Variants in PTPRQ observed in about 807,000 individuals in gnomAD.
PTPRQ encodes the protein protein tyrosine phosphatase receptor type Q.
PTPRQ carries 199 observed loss-of-function variants against 246.0 expected under a neutral mutation model. That is an observed-to-expected ratio of 0.81 (90% CI 0.72 to 0.91). The LOEUF (loss-of-function observed/expected upper bound fraction) is 0.91. Ranked by LOEUF, PTPRQ falls within the 40% of genes least tolerant of loss-of-function variation. The pLI is 0.00. For missense variants in PTPRQ, 2,624 were observed against 2,528.4 expected (o/e 1.04, Z -0.81); for synonymous variants, 869 against 853.2 (o/e 1.02, Z -0.32).
At chr12:80,593,964 T>C (rs1221547898) in intron 26 of PTPRQ, among the ~76,000 whole-genome samples, 3 of 150,832 alleles carry the variant, frequency 2.0e-5, no homozygotes, top group South Asian at 2.1e-4. Context: ...AACACTTAGG[T>C]TGGGAAAACC....
At chr12:80,520,530 G>A (rs1272851034) in intron 17 of PTPRQ, among the ~76,000 whole-genome samples, 17 of 116,110 alleles carry the variant, frequency 1.5e-4, no homozygotes, top group African/African-American at 4.9e-4. Flanking sequence ...CCCACAACAG[G>A]CCCCGGTGTG....
chr12:80,631,078 A>G (rs17007031), intron 33 of PTPRQ, among the ~76,000 whole-genome samples: 10,037 of 152,282 alleles, frequency 0.066, 414 homozygotes, highest in East Asian at 0.13. Flanking sequence ...TCTTCTAATA[A>G]TGAGCTTTAT....
intron 3 of PTPRQ, among the ~76,000 whole-genome samples, chr12:80,449,073 G>A (rs1892652815): frequency 6.6e-6 from 1 of 151,592 alleles, no homozygotes; most frequent in Non-Finnish European, 1.5e-5. Context: ...CATTCTAACT[G>A]GTGTGAGATG....
At chr12:80,540,796 T>C (rs1298765891) in intron 20 of PTPRQ, among the ~76,000 whole-genome samples, 2 of 152,112 alleles carry the variant, frequency 1.3e-5, no homozygotes, top group Non-Finnish European at 2.9e-5. Flanking sequence ...TATATTGTAA[T>C]ATATGATCAA....
intron 43 of PTPRQ, among the ~76,000 whole-genome samples, chr12:80,674,432 T>C (rs558273504): frequency 3.3e-5 from 5 of 152,284 alleles, no homozygotes; most frequent in African/African-American, 9.6e-5. Flanking sequence ...TAAACTTCGA[T>C]GACTGGAGAA....
rs1894948885 is a variant in PTPRQ, at chr12:80,506,099, C to T, written c.2348C>T (p.Pro783Leu). 2 of 1,543,800 alleles carry T rather than the reference C, an allele frequency of 1.3e-6. No individual in the cohort carries two copies. The highest frequency in any genetic ancestry group is 1.4e-5 in the African/African-American group (1 of 72,790). The change falls in exon 15 of 45, where the codon CCA (proline) becomes CTA (leucine). Residue 783 changes from proline to leucine, a missense_variant. Transcript: ENST00000644991. The part of the protein sequence containing the change: ...SGEIELSFLP[P>L]SSPNGIIQKY... ...GAGATTGAGCTATCATTCCTTCCCC[C>T]AAGTAGTCCCAATGGAATCATACAA...
intron 17 of PTPRQ, among the ~76,000 whole-genome samples, chr12:80,516,411 G>T (rs976623868): frequency 6.6e-6 from 1 of 152,140 alleles, no homozygotes; most frequent in East Asian, 1.9e-4. Flanking sequence ...GTAATTATAA[G>T]AGGTAATTCT....
At chr12:80,507,676 T>C (rs1565752835) in intron 16 of PTPRQ, among the ~76,000 whole-genome samples, 1 of 152,044 alleles carries the variant, frequency 6.6e-6, no homozygotes, top group Non-Finnish European at 1.5e-5. Context: ...AGTTTCTAAG[T>C]GGGCTGCCTC....
At chr12:80,501,179 G>A (rs1383451158) in intron 14 of PTPRQ, among the ~76,000 whole-genome samples, 1 of 151,964 alleles carries the variant, frequency 6.6e-6, no homozygotes, top group Non-Finnish European at 1.5e-5. Context: ...GCGAGAGGCA[G>A]AGGTGGATCC....
At chr12:80,454,543 T>G in intron 3 of PTPRQ, 1 of 702,474 alleles carries the variant, frequency 1.4e-6, no homozygotes, top group Non-Finnish European at 2.6e-6. Context: ...CTACTTTTGT[T>G]GCATTTCTTA....
At chr12:80,522,519 T>G (rs143422529) in intron 17 of PTPRQ, among the ~76,000 whole-genome samples, 7,887 of 152,102 alleles carry the variant, frequency 0.052, 505 homozygotes, top group African/African-American at 0.14. Flanking sequence ...TAGCTCTTAT[T>G]ATTTTGAAAT....
At chr12:80,582,411 G>T (rs1318446165) in intron 25 of PTPRQ, among the ~76,000 whole-genome samples, 2 of 152,114 alleles carry the variant, frequency 1.3e-5, no homozygotes, top group African/African-American at 4.8e-5. Flanking sequence ...ATCATATGTT[G>T]TAGTCCTAAC....
chr12:80,663,759 T>C (rs1338224143), intron 39 of PTPRQ, among the ~76,000 whole-genome samples: 1 of 151,956 alleles, frequency 6.6e-6, no homozygotes, highest in Non-Finnish European at 1.5e-5. Context: ...TTCTGCCATG[T>C]TCACAACCTA....
chr12:80,600,207 G>A (rs1159283254), intron 26 of PTPRQ, among the ~76,000 whole-genome samples: 1 of 151,748 alleles, frequency 6.6e-6, no homozygotes, highest in Admixed American at 6.6e-5. Flanking sequence ...ATATTTAGTA[G>A]TATAGGTGAT....
At chr12:80,511,268 C>A (rs1210662713) in intron 17 of PTPRQ, among the ~76,000 whole-genome samples, 1 of 152,050 alleles carries the variant, frequency 6.6e-6, no homozygotes. Flanking sequence ...CCCCTTTAAC[C>A]CCTTTACATA....
At chr12:80,550,374 T>G (rs1190401972) in intron 25 of PTPRQ, among the ~76,000 whole-genome samples, 1 of 152,160 alleles carries the variant, frequency 6.6e-6, no homozygotes, top group East Asian at 1.9e-4. Flanking sequence ...CAATAATTGT[T>G]AACTTCTGGC....
intron 8 of PTPRQ, among the ~76,000 whole-genome samples, chr12:80,474,623 A>G (rs1404753803): frequency 1.3e-5 from 2 of 152,200 alleles, no homozygotes; most frequent in East Asian, 3.8e-4. Context: ...AAAATAAATG[A>G]TTTTGGAAAA....
chr12:80,592,168 G>A (rs1023996079), intron 26 of PTPRQ, among the ~76,000 whole-genome samples: 1 of 152,136 alleles, frequency 6.6e-6, no homozygotes, highest in African/African-American at 2.4e-5. Context: ...GATTAGGAGA[G>A]AAAGATGAAA....
chr12:80,546,614 A>G lies in PTPRQ; in HGVS notation c.3932A>G (p.Tyr1311Cys), dbSNP rs1373381538. ...KLVGLEPVST[Y>C]SIRVSAFTKV... ...GTTGGACTGGAACCAGTCAGCACCT[A>G]CTCTATCCGTGTATCTGCGTTCACC... Residue 1311 changes from tyrosine to cysteine, a missense_variant, in exon 24 of 45, where the codon TAC (tyrosine) becomes TGC (cysteine). By Grantham distance (194) the Tyr-to-Cys change is radical. Transcript: ENST00000644991. 3 of 1,551,272 alleles carry G rather than the reference A, an allele frequency of 1.9e-6. No homozygotes were observed. The highest frequency in any genetic ancestry group is 2.6e-6 in the Non-Finnish European group (3 of 1,146,824).
Sources: allele counts gnomAD v4.1 joint callset (sites outside exome capture counted in the v4.1 genomes callset), GRCh38; gene constraint gnomAD v4.1.1; transcripts MANE v1.5; gene names NCBI Gene and HGNC (gene_info 2026-07-23, HGNC 2026-07-21).